Variants in LAGE3 observed in about 807,000 individuals in gnomAD.
The protein encoded by LAGE3 is EKC/KEOPS complex subunit LAGE3.
Under a neutral mutation model 4.4 loss-of-function variants are expected in LAGE3, and 2 were observed. The ratio of observed to expected loss-of-function variants is 0.46; its 90% CI spans 0.19 to 1.44. The LOEUF (loss-of-function observed/expected upper bound fraction) is 1.44, where lower values mean the gene tolerates loss of function less well. LAGE3 is among the 40% of genes most tolerant of loss of function. The probability of loss-of-function intolerance (pLI) is 0.26; values close to 1 mark genes in which losing one functional copy is unlikely to be tolerated. For missense variants in LAGE3, 152 were observed against 138.1 expected (o/e 1.10, Z -0.51); for synonymous variants, 79 against 60.0 (o/e 1.32, Z -1.47).
In LAGE3 at chrX:154,478,766, C is replaced by T; in HGVS notation, c.150G>A (p.Ala50=). 3.6e-6 allele frequency: 4 copies of T among 1,121,697 alleles called. No homozygotes were observed. The highest frequency in any genetic ancestry group is 4.7e-6 in the Non-Finnish European group (4 of 859,571). 92.4% of individuals were successfully genotyped at this position (1,121,697 alleles called of 1,213,427 possible). The change falls in exon 1 of 3, where the codon GCG becomes GCA. Residue 50 remains alanine, a synonymous_variant. Coordinates refer to ENST00000357360, the MANE Select transcript of LAGE3 (RefSeq NM_006014.5). ...AHAPGPGRDA[A]SAARGSRMRP... Reference sequence around the variant, plus strand: ...GCATTCGTGACCCCCTGGCCGCAGACGCGGCGTCTCTGCCCGGACCTGGCG... The same window carrying T: ...GCATTCGTGACCCCCTGGCCGCAGATGCGGCGTCTCTGCCCGGACCTGGCG...
chrX:154,478,087 T>C (rs1172627195), intron 2 of LAGE3, 29 bp from the exon 3 acceptor site: 12 of 1,157,172 alleles, frequency 1.0e-5, no homozygotes, highest in African/African-American at 1.8e-5. Context: ...GAAAATCAAA[T>C]TGGAGGTGGC....
Position 154,478,864 on chromosome X carries a change from G to C in LAGE3, c.52C>G (p.Arg18Gly). 1 of 1,017,975 alleles carries C rather than the reference G, an allele frequency of 9.8e-7. No homozygotes were observed. Among genetic ancestry groups the C allele is most frequent in the African/African-American group, 2.0e-5 (1 of 50,315 alleles). The allele number at this position is 1,017,975 out of a possible 1,213,427, so 83.9% of individuals were successfully genotyped here. A position where few individuals can be genotyped will look rare whatever the true frequency, so the allele number is the denominator to read the frequency against. Reference sequence around the variant, plus strand: ...CCCCCGCGGCAGCTGTGGCCACCCCGGCCATCCCCGCCGTCAGCGCCTCCG... The same window carrying C: ...CCCCCGCGGCAGCTGTGGCCACCCCCGCCATCCCCGCCGTCAGCGCCTCCG... ...AGGGADGGDG[R>G]GGHSCRGGVD... is the part of the protein sequence containing the mutation. Residue 18 changes from arginine to glycine, a missense_variant, in exon 1 of 3, where the codon CGG (arginine) becomes GGG (glycine). Transcript: ENST00000357360.
At position 154,478,433 on chromosome X, in the gene LAGE3, T is replaced by C. The variant is rs782785819; in HGVS notation, c.189-22A>G. On this transcript the variant is annotated intron_variant, in intron 1 of 2. Transcript: ENST00000357360. ...GGTGCTGGGGGTCATTCGGTTAAGG[T>C]GCCATCTGATACGATCTTGCCTATG... 3.4e-6 allele frequency: 4 copies of C among 1,170,615 alleles called. No homozygotes were observed. The Admixed American group carries it at 1.0e-4, about 29-fold the overall frequency.
chrX:154,477,881 G>T lies in LAGE3; in HGVS notation c.*63C>A. 1 of 895,319 alleles carries T rather than the reference G, an allele frequency of 1.1e-6. No homozygotes were observed. Among genetic ancestry groups the T allele is most frequent in the Non-Finnish European group, 1.6e-6 (1 of 614,154 alleles). 73.8% of individuals were successfully genotyped at this position (895,319 alleles called of 1,213,427 possible). A position where few individuals can be genotyped will look rare whatever the true frequency, so the allele number is the denominator to read the frequency against. ...TGTGGGAATTCCTGCCCTAGGGAAG[G>T]ATGGACGCACTGCCTACAAGGAGAC... On this transcript the variant is annotated 3_prime_UTR_variant, in exon 3 of 3. Coordinates refer to ENST00000357360, the MANE Select transcript of LAGE3 (RefSeq NM_006014.5).
chrX:154,478,554 G>A, intron 1 of LAGE3, 143 bp from the exon 2 acceptor site: 1 of 972,075 alleles, frequency 1.0e-6, no homozygotes, highest in Non-Finnish European at 1.4e-6. Flanking sequence ...ACCGTTAGCA[G>A]AGCTTCTCCC....
rs1038771485 is a variant in LAGE3 at position 154,478,826 on chromosome X, G to A, written c.90C>T (p.Ala30=). Reference sequence around the variant, plus strand: ...GGGGAGCTCCACCGGCCGGAGCTGCGGCTGTGTCCACGCCCCCGCGGCAGC... The same window carrying A: ...GGGGAGCTCCACCGGCCGGAGCTGCAGCTGTGTCCACGCCCCCGCGGCAGC... ...GHSCRGGVDT[A]AAPAGGAPPA... is the part of the protein sequence containing the mutation. The change falls in exon 1 of 3, where the codon GCC becomes GCT. Residue 30 remains alanine (A), a synonymous_variant. Coordinates refer to ENST00000357360, the MANE Select transcript of LAGE3 (RefSeq NM_006014.5). 3.6e-6 allele frequency: 4 copies of A among 1,109,126 alleles called. No individual in the cohort carries two copies. The highest frequency in any genetic ancestry group is 2.3e-6 in the Non-Finnish European group (2 of 851,706). 91.4% of individuals were successfully genotyped at this position (1,109,126 alleles called of 1,213,427 possible). A position where few individuals can be genotyped will look rare whatever the true frequency, so the allele number is the denominator to read the frequency against.
At chrX:154,478,109 C>A (rs2069249545) in intron 2 of LAGE3, 51 bp from the exon 3 acceptor site, 4 of 1,107,584 alleles carry the variant, frequency 3.6e-6, no homozygotes, top group African/African-American at 1.8e-5. Flanking sequence ...ACTCCTGGTC[C>A]CTCGCTCTGC....
In LAGE3 at chrX:154,479,094, G is replaced by GCT. The variant is rs2069258347; in HGVS notation, c.-180_-179insAG. The GCT allele has an allele frequency of 6.8e-6, 2 of 295,888 alleles. No homozygotes were observed. The highest frequency in any genetic ancestry group is 9.7e-5 in the East Asian group (2 of 20,611). The allele number at this position is 295,888 out of a possible 1,213,427, so 24.4% of individuals were successfully genotyped here. A position where few individuals can be genotyped will look rare whatever the true frequency, so the allele number is the denominator to read the frequency against. On this transcript the variant is annotated 5_prime_UTR_variant, in exon 1 of 3. Transcript: ENST00000357360. ...GTTCCCGCCAAGCGGCCCTGCCGGG[G>GCT]GCCTTCTGAGACCCGGTCAGCGGTT... is the stretch of plus-strand genomic sequence containing the variant.
chrX:154,479,064 G>C lies in LAGE3; in HGVS notation c.-149C>G. 1 of 313,663 alleles carries C rather than the reference G, an allele frequency of 3.2e-6. No individual in the cohort carries two copies. 25.8% of individuals were successfully genotyped at this position (313,663 alleles called of 1,213,427 possible). A position where few individuals can be genotyped will look rare whatever the true frequency, so the allele number is the denominator to read the frequency against. ...TCCCTGGAGAGCCTGACTGGCGCGT[G>C]GTCAGTTCCCGCCAAGCGGCCCTGC... On this transcript the variant is annotated 5_prime_UTR_variant, in exon 1 of 3. Transcript: ENST00000357360.
rs1557211469 is a variant in LAGE3 at position 154,478,841 on chromosome X, C to A, written c.75G>T (p.Gly25=). 1.9e-6 allele frequency: 2 copies of A among 1,063,618 alleles called. 1 individual carries two copies. The highest frequency in any genetic ancestry group is 7.8e-5 in the Admixed American group (2 of 25,670). 87.7% of individuals were successfully genotyped at this position (1,063,618 alleles called of 1,213,427 possible). A position where few individuals can be genotyped will look rare whatever the true frequency, so the allele number is the denominator to read the frequency against. Reference sequence around the variant, plus strand: ...CCGGAGCTGCGGCTGTGTCCACGCCCCCGCGGCAGCTGTGGCCACCCCGGC... The same window carrying A: ...CCGGAGCTGCGGCTGTGTCCACGCCACCGCGGCAGCTGTGGCCACCCCGGC... ...GDGRGGHSCR[G]GVDTAAAPAG... is the part of the protein sequence containing the mutation. Residue 25 remains glycine, a synonymous_variant, in exon 1 of 3, where the codon GGG becomes GGT. Transcript: ENST00000357360.
At chrX:154,478,179 C>CA (rs2148261146) in intron 2 of LAGE3, 104 bp downstream of exon 2, 3 of 1,132,276 alleles carry the variant, frequency 2.6e-6, no homozygotes, top group East Asian at 3.0e-5. Flanking sequence ...GCCCCTCAGG[C>CA]AGAGACCGGC....
In LAGE3 at chrX:154,477,852, C is replaced by T. The variant is rs1557211170; in HGVS notation, c.*92G>A. 4.7e-6 allele frequency: 3 copies of T among 643,539 alleles called. No individual in the cohort carries two copies. The African/African-American group carries it at 6.6e-5, about 14-fold the overall frequency. 53.0% of individuals were successfully genotyped at this position (643,539 alleles called of 1,213,427 possible). On this transcript the variant is annotated 3_prime_UTR_variant, in exon 3 of 3. Coordinates refer to ENST00000357360, the MANE Select transcript of LAGE3 (RefSeq NM_006014.5). ...ACATGAGGCCCTCCCAGGAAAGTAG[C>T]AACTGTGGGAATTCCTGCCCTAGGG...
chrX:154,478,865 G>T lies in LAGE3; in HGVS notation c.51C>A (p.Gly17=). ...CCCCGCGGCAGCTGTGGCCACCCCG[G>T]CCATCCCCGCCGTCAGCGCCTCCGC... The part of the protein sequence containing the change: ...DAGGGADGGD[G]RGGHSCRGGV... The change falls in exon 1 of 3, where the codon GGC becomes GGA. Residue 17 remains glycine (G), a synonymous_variant. Transcript: ENST00000357360. The T allele has an allele frequency of 9.8e-7, 1 of 1,016,341 alleles. No individual in the cohort carries two copies. Among genetic ancestry groups the T allele is most frequent in the Non-Finnish European group, 1.2e-6 (1 of 804,318 alleles). 83.8% of individuals were successfully genotyped at this position (1,016,341 alleles called of 1,213,427 possible). A position where few individuals can be genotyped will look rare whatever the true frequency, so the allele number is the denominator to read the frequency against.
Position 154,478,916 on chromosome X carries a change from G to GA in LAGE3, c.-2dup. The GA allele has an allele frequency of 1.1e-6, 1 of 934,431 alleles. No individual in the cohort carries two copies. The highest frequency in any genetic ancestry group is 1.4e-6 in the Non-Finnish European group (1 of 734,376). The allele number at this position is 934,431 out of a possible 1,213,427, so 77.0% of individuals were successfully genotyped here. On this transcript the variant is annotated 5_prime_UTR_variant, in exon 1 of 3. Transcript: ENST00000357360. ...CTGCGTCTGCATCCGCGTCCCGCAT[G>GA]ACCGCCGCCGCGCCGCTCCGACTCC...
Position 154,477,978 on chromosome X carries a change from G to A in LAGE3, c.398C>T (p.Thr133Ile). The change falls in exon 3 of 3, where the codon ACC becomes ATC. Residue 133 changes from threonine to isoleucine, a missense_variant. Transcript: ENST00000357360. ...AACGGGGGGCCCAAAGCGCTGCATG[G>A]TCCGCACCACCAGGGAAAGCTGGTC... ...FLDQLSLVVR[T>I]MQRFGPPVSR is the part of the protein sequence containing the mutation. 8.3e-7 allele frequency: 1 copy of A among 1,212,116 alleles called. No homozygotes were observed. Among genetic ancestry groups the A allele is most frequent in the African/African-American group, 1.7e-5 (1 of 57,956 alleles).
intron 1 of LAGE3, 85 bp from the exon 2 acceptor site, chrX:154,478,496 G>A (rs781878793): frequency 3.7e-6 from 4 of 1,087,543 alleles, no homozygotes; most frequent in Admixed American, 3.0e-5. Context: ...CCCCTCTCAG[G>A]TCACCCTGCC....
At position 154,478,695 on chromosome X, in the gene LAGE3, C is replaced by A. The variant is rs782461430; in HGVS notation, c.188+33G>T. ...TTCTCCCCGAGTCCAGCCCTCGCTC[C>A]GCCGCAAGCAGCCCCCAGCTCGGAA... On this transcript the variant is annotated intron_variant, in intron 1 of 2. Transcript: ENST00000357360. 7.5e-6 allele frequency: 8 copies of A among 1,069,785 alleles called. No individual in the cohort carries two copies. In the South Asian group the frequency reaches 1.8e-4, roughly 24 times the overall value. The allele number at this position is 1,069,785 out of a possible 1,213,427, so 88.2% of individuals were successfully genotyped here. A position where few individuals can be genotyped will look rare whatever the true frequency, so the allele number is the denominator to read the frequency against.
rs782792256 is a variant in LAGE3 at position 154,478,294 on chromosome X, C to A, written c.306G>T (p.Arg102Ser). Residue 102 changes from arginine to serine, a missense_variant, in exon 2 of 3, where the codon AGG (arginine) becomes AGT (serine). Coordinates refer to ENST00000357360, the MANE Select transcript of LAGE3 (RefSeq NM_006014.5). Reference sequence around the variant, plus strand: ...CTTTCAGAACTTACACGACCAGGATCCTGCCACTCACTGTGAGATCCTTCC... The same window carrying A: ...CTTTCAGAACTTACACGACCAGGATACTGCCACTCACTGTGAGATCCTTCC... ...VVGKDLTVSG[R>S]ILVVRWKAED... 10 of 1,211,268 alleles carry A rather than the reference C, an allele frequency of 8.3e-6. No homozygotes were observed. Among genetic ancestry groups the A allele is most frequent in the Non-Finnish European group, 1.1e-5 (10 of 895,379 alleles).
At chrX:154,478,623 C>A (rs1435553751) in intron 1 of LAGE3, 105 bp downstream of exon 1, 10 of 442,563 alleles carry the variant, frequency 2.3e-5, no homozygotes, top group Non-Finnish European at 3.0e-5. Flanking sequence ...CAGCCCCGGT[C>A]CCCCCCTGCT....
Sources: gnomAD v4.1 joint callset for allele counts on GRCh38, gnomAD v4.1.1 for gene constraint, MANE v1.5 for transcripts, NCBI Gene and HGNC (gene_info 2026-07-23, HGNC 2026-07-21) for gene names.